Variants in MTUS2 observed in about 807,000 individuals in gnomAD.
MTUS2 encodes the protein microtubule associated scaffold protein 2.
Under a neutral mutation model 114.1 loss-of-function variants are expected in MTUS2, and 40 were observed. That is an observed-to-expected ratio of 0.35 (90% confidence interval 0.27 to 0.46). The LOEUF (loss-of-function observed/expected upper bound fraction) is 0.46, where lower values mean the gene tolerates loss of function less well. Ranked by LOEUF, MTUS2 falls within the 20% of genes least tolerant of loss-of-function variation. The probability of loss-of-function intolerance (pLI) is 1.00; values close to 1 mark genes in which losing one functional copy is unlikely to be tolerated. For synonymous variants in MTUS2, 688 were observed against 672.0 expected (o/e 1.02, Z -0.37); for missense variants, 1,679 against 1,705.4 (o/e 0.98, Z 0.27).
chr13:29,163,427 T>G (rs1893183829), intron 5 of MTUS2, among the ~76,000 whole-genome samples: 1 of 152,186 alleles, frequency 6.6e-6, no homozygotes, highest in Non-Finnish European at 1.5e-5. Context: ...CTTTTTCCAC[T>G]TGGTTCAAAA....
chr13:29,439,556 A>C (rs894824069), intron 8 of MTUS2, among the ~76,000 whole-genome samples: 1 of 152,202 alleles, frequency 6.6e-6, no homozygotes, highest in Non-Finnish European at 1.5e-5. Flanking sequence ...GGTAAGTTTA[A>C]AAAACAGTTG....
intron 5 of MTUS2, among the ~76,000 whole-genome samples, chr13:29,216,820 A>G (rs1895701421): frequency 6.6e-6 from 1 of 151,870 alleles, no homozygotes; most frequent in African/African-American, 2.4e-5. Context: ...TCTTGGAAAA[A>G]CCTCATGGCT....
chr13:29,309,439 G>T (rs376937637), intron 6 of MTUS2, among the ~76,000 whole-genome samples: 1 of 151,880 alleles, frequency 6.6e-6, no homozygotes, highest in Non-Finnish European at 1.5e-5. Context: ...GGTGGAGGAT[G>T]GGGGGAGGGA....
At chr13:29,021,355 A>G (rs558312371) in intron 2 of MTUS2, among the ~76,000 whole-genome samples, 1 of 152,236 alleles carries the variant, frequency 6.6e-6, no homozygotes, top group Non-Finnish European at 1.5e-5. Context: ...ACCAGTGAGT[A>G]CCAGTTGTTT....
At chr13:28,830,450 A>G (rs1874588895) in intron 1 of MTUS2, among the ~76,000 whole-genome samples, 1 of 152,000 alleles carries the variant, frequency 6.6e-6, no homozygotes, top group Non-Finnish European at 1.5e-5. Flanking sequence ...TAAAGGGGGA[A>G]ATTGTTAAAA....
At chr13:29,324,045 CT>C (rs1900372541) in intron 6 of MTUS2, among the ~76,000 whole-genome samples, 1 of 152,170 alleles carries the variant, frequency 6.6e-6, no homozygotes, top group Non-Finnish European at 1.5e-5. Flanking sequence ...CATGCTTTTG[CT>C]GGACCAGCTC....
At chr13:29,072,950 C>T (rs1422024706) in intron 4 of MTUS2, among the ~76,000 whole-genome samples, 5 of 152,152 alleles carry the variant, frequency 3.3e-5, no homozygotes, top group Non-Finnish European at 7.4e-5. Flanking sequence ...TGACTTGTAC[C>T]TTACCTTTTG....
intron 6 of MTUS2, among the ~76,000 whole-genome samples, chr13:29,288,766 G>A (rs1401517207): frequency 6.6e-6 from 1 of 152,112 alleles, no homozygotes; most frequent in African/African-American, 2.4e-5. Flanking sequence ...CTCGCATTCT[G>A]CCCCTCCACT....
chr13:28,995,259 T>C (rs1329051100), intron 2 of MTUS2, among the ~76,000 whole-genome samples: 2 of 152,226 alleles, frequency 1.3e-5, no homozygotes, highest in African/African-American at 4.8e-5. Context: ...CATTGATCTA[T>C]ATCTCTGTTT....
intron 5 of MTUS2, among the ~76,000 whole-genome samples, chr13:29,163,952 G>A (rs899330185): frequency 6.6e-6 from 1 of 152,114 alleles, no homozygotes; most frequent in African/African-American, 2.4e-5. Flanking sequence ...CTTGCCCACA[G>A]CTCGAGCGCC....
chr13:29,335,439 G>A (rs1593316365), intron 7 of MTUS2, among the ~76,000 whole-genome samples: 1 of 152,104 alleles, frequency 6.6e-6, no homozygotes, highest in Non-Finnish European at 1.5e-5. Context: ...CTGTGATCTT[G>A]CCCTGCCTCC....
rs61999321 is a variant in MTUS2 at position 29,324,646 on chromosome 13, C to T, written c.2840C>T (p.Thr947Met). 0.03 allele frequency: 48,257 copies of T among 1,594,210 alleles called. 879 individuals are homozygous for T. Among genetic ancestry groups the T allele is most frequent in the Middle Eastern group, 0.036 (215 of 6,038 alleles). Residue 947 changes from threonine (T) to methionine (M), a missense_variant, in exon 7 of 16, where the codon ACG becomes ATG. Transcript: ENST00000612955. ...TKKDAQKDQD[T>M]NKPAVSSPKR... Reference sequence around the variant, plus strand: ...AAAGATGCTCAGAAAGATCAAGATACGAATAAACCTGCTGTTTCATCTCCT... The same window carrying T: ...AAAGATGCTCAGAAAGATCAAGATATGAATAAACCTGCTGTTTCATCTCCT...
At chr13:29,138,734 T>C (rs1010420543) in intron 5 of MTUS2, among the ~76,000 whole-genome samples, 1 of 151,774 alleles carries the variant, frequency 6.6e-6, no homozygotes, top group African/African-American at 2.4e-5. Flanking sequence ...AAATTTTTTC[T>C]TAAAGCTTTT....
intron 4 of MTUS2, among the ~76,000 whole-genome samples, chr13:29,036,892 C>A (rs1189139942): frequency 6.6e-6 from 1 of 150,786 alleles, no homozygotes; most frequent in African/African-American, 2.4e-5. Context: ...TTATTTTGGG[C>A]CTATGTGTGT....
intron 2 of MTUS2, among the ~76,000 whole-genome samples, chr13:28,960,147 C>T (rs1162121927): frequency 6.6e-6 from 1 of 152,132 alleles, no homozygotes; most frequent in Non-Finnish European, 1.5e-5. Context: ...TGCTCAATGC[C>T]ATTAGGAAAA....
At chr13:29,217,168 A>G (rs1895714291) in intron 5 of MTUS2, among the ~76,000 whole-genome samples, 1 of 152,134 alleles carries the variant, frequency 6.6e-6, no homozygotes, top group African/African-American at 2.4e-5. Context: ...TGTGTTTTAT[A>G]ATTTTACTAT....
At chr13:29,245,140 C>T (rs974054583) in intron 5 of MTUS2, among the ~76,000 whole-genome samples, 3 of 151,934 alleles carry the variant, frequency 2.0e-5, no homozygotes, top group Non-Finnish European at 4.4e-5. Flanking sequence ...AGAGGACAAT[C>T]ATAGACATGC....
chr13:29,414,715 T>A (rs1875541279), intron 8 of MTUS2, among the ~76,000 whole-genome samples: 1 of 151,886 alleles, frequency 6.6e-6, no homozygotes, highest in Admixed American at 6.6e-5. Context: ...TCTTTTTCCC[T>A]GTTCAGGTTG....
At position 29,065,176 on chromosome 13, in the gene MTUS2, G is replaced by T. The variant is rs141577148; in HGVS notation, c.2446+31051G>T. 8.5e-5 allele frequency among the ~76,000 whole-genome samples: 13 copies of T among 152,292 alleles called. No individual in the cohort carries two copies. The South Asian group carries it at 1.0e-3, about 12-fold the overall frequency. On this transcript the variant is annotated intron_variant, in intron 4 of 15. Coordinates refer to ENST00000612955, the MANE Select transcript of MTUS2 (RefSeq NM_001033602.4). ...GATTGCTGGGTTGAATGGTAGTTCT[G>T]ATTTTAGCTCTTTGAGGAATTGCCA...
Sources: allele counts gnomAD v4.1 joint callset (sites outside exome capture counted in the v4.1 genomes callset), GRCh38; gene constraint gnomAD v4.1.1; transcripts MANE v1.5; gene names NCBI Gene and HGNC (gene_info 2026-07-23, HGNC 2026-07-21).